TMCC2: variants seen among roughly 807,000 people sequenced by gnomAD.
TMCC2 encodes the protein transmembrane and coiled-coil domains protein 2.
Under a neutral mutation model 49.4 loss-of-function variants are expected in TMCC2, and 16 were observed. That is an observed-to-expected ratio of 0.32 (90% CI 0.22 to 0.49). The LOEUF (loss-of-function observed/expected upper bound fraction) is 0.49. TMCC2 is among the 20% of genes least tolerant of loss of function. The pLI, the probability that TMCC2 is intolerant of heterozygous loss-of-function variation, is 0.99. For missense variants in TMCC2, 762 were observed against 989.8 expected, an observed-to-expected ratio of 0.77 and a Z score of 3.09; for synonymous variants, 397 against 434.1, an observed-to-expected ratio of 0.91 and a Z score of 1.06.
intron 2 of TMCC2, chr1:205,267,749 C>G (rs560153646): frequency 3.8e-6 from 1 of 265,170 alleles, no homozygotes; most frequent in East Asian, 1.8e-4. Flanking sequence ...CTTTCCTTGT[C>G]TCTCCGACTT....
At chr1:205,270,335 T>A (rs529968395) in intron 3 of TMCC2, among the ~76,000 whole-genome samples, 3 of 152,222 alleles carry the variant, frequency 2.0e-5, no homozygotes, top group African/African-American at 7.2e-5. Flanking sequence ...ATACAATGAG[T>A]CCAGACCTGT....
rs776093567 is a variant in TMCC2 at position 205,269,415 on chromosome 1, G to A, written c.1213G>A (p.Gly405Ser). The A allele has an allele frequency of 1.2e-6, 2 of 1,605,958 alleles. No homozygotes were observed. The highest frequency in any genetic ancestry group is 1.1e-5 in the South Asian group (1 of 90,810). ...CGGCTTTGGGGGCGGCGTGGTGGAG[G>A]GCGTCAAGGGCAGCCTCTCTGGCCT... is the stretch of plus-strand genomic sequence containing the variant. ...ISGFGGGVVE[G>S]VKGSLSGLSQ... Residue 405 changes from glycine to serine, a missense_variant, in exon 3 of 5, where the codon GGC becomes AGC. By Grantham distance (56) the Gly-to-Ser change is moderately conservative (BLOSUM62 0). Transcript: ENST00000358024.
At chr1:205,249,018 C>T (rs946041613) in intron 2 of TMCC2, among the ~76,000 whole-genome samples, 2 of 152,194 alleles carry the variant, frequency 1.3e-5, no homozygotes, top group African/African-American at 4.8e-5. Context: ...CTTCAGGAGA[C>T]TCTGTGGAGG....
At chr1:205,242,083 CA>C in intron 2 of TMCC2, 39 bp downstream of exon 2, 1 of 1,530,074 alleles carries the variant, frequency 6.5e-7, no homozygotes, top group Non-Finnish European at 8.8e-7. Context: ...GACTCAGAGG[CA>C]AGGGCCATCC....
intron 1 of TMCC2, chr1:205,234,240 TC>T (rs1659932200): frequency 6.6e-6 from 1 of 152,022 alleles, no homozygotes; most frequent in Non-Finnish European, 1.5e-5. Context: ...GGTCAGGAGA[TC>T]AAGACCATCC....
In TMCC2 at chr1:205,269,755, C is replaced by T. The variant is rs776296421; in HGVS notation, c.1553C>T (p.Ala518Val). Residue 518 changes from alanine to valine, a missense_variant, in exon 3 of 5, where the codon GCT (alanine) becomes GTT (valine). Transcript: ENST00000358024. ...ALYGAPGNLDALLEELREIKE... is the reference protein window; with the variant it reads ...ALYGAPGNLDVLLEELREIKE... ...TATGGTGCTCCTGGAAACCTGGATGCTCTGCTGGAAGAGCTACGGGAGATC... is the reference window on the plus strand; with the variant it reads ...TATGGTGCTCCTGGAAACCTGGATGTTCTGCTGGAAGAGCTACGGGAGATC... 34 of 1,614,084 alleles carry T rather than the reference C, an allele frequency of 2.1e-5. No homozygotes were observed. The highest frequency in any genetic ancestry group is 2.5e-5 in the Non-Finnish European group (29 of 1,180,030).
At chr1:205,250,164 A>G (rs1660609615) in intron 2 of TMCC2, among the ~76,000 whole-genome samples, 1 of 152,232 alleles carries the variant, frequency 6.6e-6, no homozygotes, top group Admixed American at 6.5e-5. Context: ...CTTTTCAGAC[A>G]GAATCAGCCA....
Position 205,229,932 on chromosome 1 carries a change from C to A in TMCC2, c.207+1161C>A, listed in dbSNP as rs1371391337. ...GCTCAGGCTTCTCAAGCCAGCTCAC[C>A]GTCCAGCTGAGCGAGATGTCAGCCC... On this transcript the variant is annotated intron_variant, in intron 1 of 4. Transcript: ENST00000358024. 4 of 985,314 alleles carry A rather than the reference C, an allele frequency of 4.1e-6. No homozygotes were observed. The East Asian group carries it at 3.4e-4, about 84-fold the overall frequency. 61.0% of individuals were successfully genotyped at this position (985,314 alleles called of 1,614,324 possible). A position where few individuals can be genotyped will look rare whatever the true frequency, so the allele number is the denominator to read the frequency against.
At chr1:205,257,042 C>A in intron 2 of TMCC2, 1 of 617,960 alleles carries the variant, frequency 1.6e-6, no homozygotes, top group Non-Finnish European at 2.3e-6. Context: ...AGTGGAACAG[C>A]TGGACTTGTG....
chr1:205,268,340 G>T (rs1338234281), intron 2 of TMCC2, among the ~76,000 whole-genome samples: 1 of 152,180 alleles, frequency 6.6e-6, no homozygotes, highest in Admixed American at 6.5e-5. Flanking sequence ...GGGGCCAGGC[G>T]TAGTGGCTCA....
rs763439901 is a variant in TMCC2 at position 205,241,812 on chromosome 1, G to A, written c.515G>A (p.Gly172Glu). 3 of 1,605,090 alleles carry A rather than the reference G, an allele frequency of 1.9e-6. No individual in the cohort carries two copies. Among genetic ancestry groups the A allele is most frequent in the Non-Finnish European group, 2.5e-6 (3 of 1,176,910 alleles). ...KRGASLHSSS[G>E]GGSSGSSSRR... Reference sequence around the variant, plus strand: ...GGCGCCAGCCTGCACAGCAGCAGTGGGGGCGGCAGCAGCGGGAGCAGCAGC... The same window carrying A: ...GGCGCCAGCCTGCACAGCAGCAGTGAGGGCGGCAGCAGCGGGAGCAGCAGC... The change falls in exon 2 of 5, where the codon GGG becomes GAG. Residue 172 changes from glycine (G) to glutamate (E), a missense_variant. This residue lies in a region of TMCC2 where 322 missense variants were observed against 353.1 expected (regional missense o/e 0.91). Transcript: ENST00000358024. The surrounding 1 kb of genome is among the most constrained non-coding windows in gnomAD (Gnocchi z 7.3).
chr1:205,249,108 G>T (rs1660566536), intron 2 of TMCC2, among the ~76,000 whole-genome samples: 1 of 152,194 alleles, frequency 6.6e-6, no homozygotes, highest in Non-Finnish European at 1.5e-5. Context: ...GATCTCCCCA[G>T]TCGTGCTGCA....
intron 2 of TMCC2, among the ~76,000 whole-genome samples, chr1:205,252,623 A>G (rs1660709678): frequency 1.3e-5 from 2 of 152,210 alleles, no homozygotes; most frequent in African/African-American, 4.8e-5. Context: ...GCATAAAAGA[A>G]GCCGCCAGCC....
At chr1:205,263,133 G>A (rs1284136078) in intron 2 of TMCC2, among the ~76,000 whole-genome samples, 1 of 152,056 alleles carries the variant, frequency 6.6e-6, no homozygotes, top group Non-Finnish European at 1.5e-5. Flanking sequence ...TTGCCCACAT[G>A]CATGCAGGTA....
chr1:205,250,369 C>G (rs565641123), intron 2 of TMCC2, among the ~76,000 whole-genome samples: 26 of 151,952 alleles, frequency 1.7e-4, no homozygotes, highest in Admixed American at 4.6e-4. Flanking sequence ...GAGGAAACCC[C>G]GTCTCTACTA....
chr1:205,263,618 A>G (rs1661205016), intron 2 of TMCC2, among the ~76,000 whole-genome samples: 4 of 151,966 alleles, frequency 2.6e-5, no homozygotes, highest in Admixed American at 2.6e-4. Flanking sequence ...GAGCCTGGGG[A>G]GGTCAAGGCT....
At position 205,231,912 on chromosome 1, in the gene TMCC2, G is replaced by A. The variant is rs147888010; in HGVS notation, c.207+3141G>A. ...GGCACTGTGATGAATTAAGTGCATT[G>A]GAAGAAATCATCTTGAGAAAGGGGC... On this transcript the variant is annotated intron_variant, in intron 1 of 4. Coordinates refer to ENST00000358024, the MANE Select transcript of TMCC2 (RefSeq NM_014858.4). Among the ~76,000 whole-genome samples, 60 of 152,108 alleles carry A rather than the reference G, an allele frequency of 3.9e-4. 1 individual carries two copies. The East Asian group carries it at 8.7e-3, about 22-fold the overall frequency.
At chr1:205,270,658 T>A (rs1661552810) in intron 3 of TMCC2, among the ~76,000 whole-genome samples, 1 of 152,256 alleles carries the variant, frequency 6.6e-6, no homozygotes. Context: ...ACAGTCATCT[T>A]ACGCTATTTT....
intron 1 of TMCC2, chr1:205,229,503 C>A: frequency 4.2e-6 from 2 of 473,710 alleles, no homozygotes; most frequent in Non-Finnish European, 5.2e-6. Context: ...GATCTTTGAG[C>A]GCTTTCCTGG....
Sources: allele counts gnomAD v4.1 joint callset (sites outside exome capture counted in the v4.1 genomes callset), GRCh38; gene constraint gnomAD v4.1.1; regional missense constraint gnomAD v4.1.1; non-coding constraint Gnocchi (gnomAD v3.1); transcripts MANE v1.5; gene names NCBI Gene and HGNC (gene_info 2026-07-23, HGNC 2026-07-21).